The following MRC2 variants were observed in gnomAD, a reference collection of about 807,000 sequenced individuals.
MRC2 encodes mannose receptor C-type 2, also known as C-type mannose receptor 2.
MRC2 carries 84 observed loss-of-function variants against 206.2 expected under a neutral mutation model. The observed-to-expected ratio is 0.41, with a 90% CI of 0.34 to 0.49. MRC2 has a LOEUF of 0.49. MRC2 is among the 20% of genes least tolerant of loss of function. The pLI is 0.31. For missense variants in MRC2, 1,676 were observed against 2,001.5 expected, an observed-to-expected ratio of 0.84 and a Z score of 3.10; for synonymous variants, 798 against 800.0, an observed-to-expected ratio of 1.00 and a Z score of 0.04.
rs2088774056 is a variant in MRC2 at position 62,667,555 on chromosome 17, AG to A, written c.1117+25del. The A allele has an allele frequency of 1.3e-6, 2 of 1,586,882 alleles. No homozygotes were observed. Among genetic ancestry groups the A allele is most frequent in the Middle Eastern group, 3.7e-4 (2 of 5,368 alleles). ...CCAGGTGAGCCAGGGACTGTGCCGC[AG>A]GGTGGGGAGGGGCTCCCAGGGCCAG... is the stretch of plus-strand genomic sequence containing the variant. On this transcript the variant is annotated intron_variant, in intron 6 of 29. Coordinates refer to ENST00000303375, the MANE Select transcript of MRC2 (RefSeq NM_006039.5). The surrounding 1 kb of genome is among the most constrained non-coding windows in gnomAD (Gnocchi z 4.1).
chr17:62,659,545 C>CAA (rs74881475), intron 1 of MRC2, among the ~76,000 whole-genome samples: 15 of 112,454 alleles, frequency 1.3e-4, no homozygotes, highest in South Asian at 5.4e-4. Context: ...GACTCTGTAT[C>CAA]AAAAAAAAAA....
At chr17:62,681,162 G>T (rs1215983044) in intron 18 of MRC2, 33 bp downstream of exon 18, 2 of 1,608,280 alleles carry the variant, frequency 1.2e-6, no homozygotes, top group South Asian at 2.2e-5. Context: ...GATGTGGAAG[G>T]GGGCTGGCTG....
rs2147497442 is a variant in MRC2 at position 62,692,389 on chromosome 17, A to G, written c.4378A>G (p.Thr1460Ala). ...ARYSRSSSSPTEATEKNILVS... is the reference protein window; with the variant it reads ...ARYSRSSSSPAEATEKNILVS... ...CTACAGCCGCAGCAGCTCCAGCCCC[A>G]CCGAGGCCACTGAGAAGAACATCCT... Residue 1460 changes from threonine to alanine, a missense_variant, in exon 30 of 30, where the codon ACC (threonine) becomes GCC (alanine). Physicochemically the swap from Thr to Ala is moderately conservative, Grantham distance 58 (BLOSUM62 0). Transcript: ENST00000303375. The surrounding 1 kb of genome is among the most constrained non-coding windows in gnomAD (Gnocchi z 4.2). 6.3e-7 allele frequency: 1 copy of G among 1,575,110 alleles called. No homozygotes were observed. The highest frequency in any genetic ancestry group is 2.3e-5 in the East Asian group (1 of 43,242).
chr17:62,644,345 G>T (rs151154656), intron 1 of MRC2, among the ~76,000 whole-genome samples: 184 of 150,804 alleles, frequency 1.2e-3, no homozygotes, highest in African/African-American at 4.3e-3. Flanking sequence ...CTTGAACCCA[G>T]AAGATGGAGG....
At position 62,666,571 on chromosome 17, in the gene MRC2, G is replaced by T. The variant is rs767721644; in HGVS notation, c.811G>T (p.Ala271Ser). 4.3e-5 allele frequency: 70 copies of T among 1,610,488 alleles called. No individual in the cohort carries two copies. Among genetic ancestry groups the T allele is most frequent in the Non-Finnish European group, 5.8e-5 (68 of 1,178,712 alleles). The change falls in exon 4 of 30, where the codon GCG (alanine) becomes TCG (serine). Residue 271 changes from alanine to serine, a missense_variant. This residue lies in a region of MRC2 where 1,354 missense variants were observed against 1,636.6 expected (regional missense o/e 0.83). Coordinates refer to ENST00000303375, the MANE Select transcript of MRC2 (RefSeq NM_006039.5). This position sits in a 1 kb window ranked among gnomAD's most constrained non-coding sequence, Gnocchi z 5.0. ...EAWASCEQQG[A>S]DLLSITEIHE... ...CTGGGCCAGCTGCGAGCAGCAGGGT[G>T]CGGATCTGCTGAGCATCACGGAGAT... is the stretch of plus-strand genomic sequence containing the variant.
Position 62,652,588 on chromosome 17 carries a change from T to A in MRC2, c.119-11960T>A, listed in dbSNP as rs2088568780. On this transcript the variant is annotated intron_variant, in intron 1 of 29. Transcript: ENST00000303375. This position sits in a 1 kb window ranked among gnomAD's most constrained non-coding sequence, Gnocchi z 4.6. Reference sequence around the variant, plus strand: ...GGAAGGAAGTGGCTCTTGGGCTGTTTATTTTGGCTGCGGGCTAGCAGACGG... The same window carrying A: ...GGAAGGAAGTGGCTCTTGGGCTGTTAATTTTGGCTGCGGGCTAGCAGACGG... Among the ~76,000 whole-genome samples the A allele has an allele frequency of 6.6e-6, 1 of 152,146 alleles. No homozygotes were observed. Among genetic ancestry groups the A allele is most frequent in the Non-Finnish European group, 1.5e-5 (1 of 68,026 alleles).
At position 62,675,775 on chromosome 17, in the gene MRC2, C is replaced by G. The variant is rs1209781651; in HGVS notation, c.1570-15C>G. ...TTCCCTACAGACACCCCTCTTCTGT[C>G]CACTCTTGAGCCAGGGTTGGACGTG... On this transcript the variant is annotated splice_polypyrimidine_tract_variant and intron_variant, in intron 9 of 29. Coordinates refer to ENST00000303375, the MANE Select transcript of MRC2 (RefSeq NM_006039.5). This position sits in a 1 kb window ranked among gnomAD's most constrained non-coding sequence, Gnocchi z 4.1. 2 of 1,604,884 alleles carry G rather than the reference C, an allele frequency of 1.2e-6. No homozygotes were observed. Among genetic ancestry groups the G allele is most frequent in the Non-Finnish European group, 1.7e-6 (2 of 1,171,652 alleles).
chr17:62,688,527 G>GTGACCTT lies in MRC2; in HGVS notation c.3098_3104dup (p.Trp1035Ter). ...ATTCATCACAGCCAGCCTGCCCAATGTGACCTTTGACCTTTGGATTGGCCT... is the reference window on the plus strand; with the variant it reads ...ATTCATCACAGCCAGCCTGCCCAATGTGACCTTTGACCTTTGACCTTTGGATTGGCCT... On this transcript the variant is annotated frameshift_variant, in exon 22 of 30. Transcript: ENST00000303375. LOFTEE classifies it high-confidence loss of function. 6.2e-7 allele frequency: 1 copy of GTGACCTT among 1,614,258 alleles called. No homozygotes were observed. The highest frequency in any genetic ancestry group is 8.5e-7 in the Non-Finnish European group (1 of 1,180,044).
intron 1 of MRC2, among the ~76,000 whole-genome samples, chr17:62,634,231 T>G (rs1040061887): frequency 6.6e-6 from 1 of 152,160 alleles, no homozygotes; most frequent in Non-Finnish European, 1.5e-5. Context: ...GTGGCGCTGA[T>G]AGGAGTATCT....
intron 9 of MRC2, among the ~76,000 whole-genome samples, chr17:62,674,513 G>A (rs552002006): frequency 1.9e-4 from 29 of 152,262 alleles, no homozygotes; most frequent in African/African-American, 6.7e-4. Flanking sequence ...GTCAAGCAGT[G>A]GCTGCCGAAG....
At position 62,679,727 on chromosome 17, in the gene MRC2, CAG is replaced by C. The variant is rs986492142; in HGVS notation, c.2196-72_2196-71del. ...CTGCCCCGGTCACAGCTGCAAGGGA[CAG>C]GGGGCACGTTTGGGTTCCTGCCCCT... is the stretch of plus-strand genomic sequence containing the variant. On this transcript the variant is annotated intron_variant, in intron 13 of 29. Coordinates refer to ENST00000303375, the MANE Select transcript of MRC2 (RefSeq NM_006039.5). 128 of 1,440,560 alleles carry C rather than the reference CAG, an allele frequency of 8.9e-5. No homozygotes were observed. In the African/African-American group the frequency reaches 1.6e-3, roughly 18 times the overall value. The allele number at this position is 1,440,560 out of a possible 1,614,324, so 89.2% of individuals were successfully genotyped here.
chr17:62,691,046 C>T lies in MRC2; in HGVS notation c.4110C>T (p.Tyr1370=), dbSNP rs143609856. The change falls in exon 28 of 30, where the codon TAC becomes TAT. Residue 1370 remains tyrosine, a synonymous_variant. Coordinates refer to ENST00000303375, the MANE Select transcript of MRC2 (RefSeq NM_006039.5). ...GCATGCTGAGCCACAACAGCTGCTA[C>T]TGGATTCAGAGCAACAGCGGGCTAT... ...GPSMLSHNSC[Y]WIQSNSGLWR... is the part of the protein sequence containing the mutation. 4 of 1,610,092 alleles carry T rather than the reference C, an allele frequency of 2.5e-6. No individual in the cohort carries two copies. In the African/African-American group the frequency reaches 5.4e-5, roughly 22 times the overall value.
At chr17:62,651,987 A>T (rs570184678) in intron 1 of MRC2, among the ~76,000 whole-genome samples, 1 of 152,226 alleles carries the variant, frequency 6.6e-6, no homozygotes, top group African/African-American at 2.4e-5. Context: ...TTTTCTTTTA[A>T]GTCAGAAAAC....
At chr17:62,648,428 C>T (rs1004971002) in intron 1 of MRC2, among the ~76,000 whole-genome samples, 1 of 152,166 alleles carries the variant, frequency 6.6e-6, no homozygotes, top group Non-Finnish European at 1.5e-5. Context: ...GTGGGCGCTG[C>T]CCCACCTCTT....
intron 28 of MRC2, among the ~76,000 whole-genome samples, chr17:62,691,771 CAAAAAAAA>C (rs549279909): frequency 1.5e-5 from 1 of 65,928 alleles, no homozygotes. Context: ...ACCCTGTCTC[CAAAAAAAA>C]AAAAAAAAAA....
rs370862082 is a variant in MRC2 at position 62,693,189 on chromosome 17, C to T, written c.*738C>T. On this transcript the variant is annotated 3_prime_UTR_variant, in exon 30 of 30. Coordinates refer to ENST00000303375, the MANE Select transcript of MRC2 (RefSeq NM_006039.5). ...GGCTGGGATGTCATCTCCTGCCGGG[C>T]GGGGGAGGGCTCTGCCCCTGGAAGA... 2.0e-3 allele frequency: 308 copies of T among 152,662 alleles called. 3 individuals carry two copies. Among genetic ancestry groups the T allele is most frequent in the East Asian group, 7.7e-4 (4 of 5,164 alleles). The allele number at this position is 152,662 out of a possible 1,614,324, so 9.5% of individuals were successfully genotyped here.
intron 6 of MRC2, among the ~76,000 whole-genome samples, chr17:62,668,085 C>G (rs991408576): frequency 2.0e-5 from 3 of 152,174 alleles, no homozygotes; most frequent in Non-Finnish European, 4.4e-5. Flanking sequence ...GGCCGGGCAC[C>G]GTGGCTCACA....
intron 1 of MRC2, among the ~76,000 whole-genome samples, chr17:62,633,840 CAAAAAAAAAAAAAAAAAAAAAA>C (rs571793821): frequency 4.1e-4 from 14 of 33,890 alleles, no homozygotes; most frequent in East Asian, 1.1e-3. Context: ...GACCCTGTCT[CAAAAAAAAAAAAAAAAAAAAAA>C]AAAAAAAAAA....
rs747311646 is a variant in MRC2, at chr17:62,671,766, G to A, written c.1235G>A (p.Arg412Gln). Residue 412 changes from arginine to glutamine, a missense_variant, in exon 7 of 30, where the codon CGG becomes CAG. Physicochemically the swap from Arg to Gln is conservative, Grantham distance 43 (BLOSUM62 1). Transcript: ENST00000303375. The surrounding 1 kb of genome is among the most constrained non-coding windows in gnomAD (Gnocchi z 4.5). The stretch of plus-strand genomic sequence containing the variant: ...CAGGAGTCCAAGAAGGCATGTCTAC[G>A]GGGCGGTGGCGACCTGGTCAGCATC... ...SWQESKKACL[R>Q]GGGDLVSIHS... The A allele has an allele frequency of 3.1e-6, 5 of 1,613,028 alleles. No individual in the cohort carries two copies. The highest frequency in any genetic ancestry group is 2.2e-5 in the South Asian group (2 of 90,982).
Sources: allele counts gnomAD v4.1 joint callset (sites outside exome capture counted in the v4.1 genomes callset), GRCh38; gene constraint gnomAD v4.1.1; regional missense constraint gnomAD v4.1.1; non-coding constraint Gnocchi (gnomAD v3.1); transcripts MANE v1.5; gene names NCBI Gene and HGNC (gene_info 2026-07-23, HGNC 2026-07-21).